GDPD5: variants seen among roughly 807,000 people sequenced by gnomAD.
The protein encoded by GDPD5 is glycerophosphodiester phosphodiesterase 2.
In GDPD5, 48 loss-of-function variants were observed where a neutral mutation model predicts 75.1. The observed-to-expected ratio is 0.64, with a 90% CI of 0.51 to 0.81. GDPD5 has a LOEUF of 0.81. Among genes scored for constraint, GDPD5 ranks in the 40% least tolerant of loss-of-function variants. The pLI is 0.00. For missense variants in GDPD5, 706 were observed against 822.6 expected, an observed-to-expected ratio of 0.86 and a Z score of 1.73; for synonymous variants, 336 against 339.0, an observed-to-expected ratio of 0.99 and a Z score of 0.10.
At chr11:75,511,258 A>G (rs1950513102) in intron 1 of GDPD5, among the ~76,000 whole-genome samples, 1 of 152,230 alleles carries the variant, frequency 6.6e-6, no homozygotes, top group East Asian at 1.9e-4. Flanking sequence ...GTCCTGGGCC[A>G]GGAAACTAGC....
chr11:75,487,872 G>A (rs1950045700), intron 2 of GDPD5, among the ~76,000 whole-genome samples: 1 of 152,194 alleles, frequency 6.6e-6, no homozygotes, highest in Admixed American at 6.5e-5. Context: ...GGCTCCAAAT[G>A]CCCCAAATTG....
intron 1 of GDPD5, among the ~76,000 whole-genome samples, chr11:75,500,144 G>C (rs2135449512): frequency 6.6e-6 from 1 of 152,194 alleles, no homozygotes; most frequent in African/African-American, 2.4e-5. Context: ...GGACTAGGCG[G>C]GTGTCTACAG....
At chr11:75,465,963 G>T (rs969997230) in intron 3 of GDPD5, among the ~76,000 whole-genome samples, 7 of 152,258 alleles carry the variant, frequency 4.6e-5, no homozygotes, top group Admixed American at 2.0e-4. Flanking sequence ...CAGGGGCCGG[G>T]AGGGCCCATG....
At chr11:75,504,902 C>A (rs545030044) in intron 1 of GDPD5, among the ~76,000 whole-genome samples, 3 of 152,042 alleles carry the variant, frequency 2.0e-5, no homozygotes, top group African/African-American at 7.2e-5. Flanking sequence ...CCGAGGCAGG[C>A]GGATCATGAG....
At chr11:75,470,894 T>C (rs1592104863) in intron 3 of GDPD5, among the ~76,000 whole-genome samples, 1 of 152,206 alleles carries the variant, frequency 6.6e-6, no homozygotes, top group African/African-American at 2.4e-5. Flanking sequence ...TTTTCCAACC[T>C]GGCCCAAGGC....
rs1009386064 is a variant in GDPD5 at position 75,457,707 on chromosome 11, T to C, written c.301A>G (p.Ile101Val). The change falls in exon 5 of 17, where the codon ATC becomes GTC. Residue 101 changes from isoleucine (I) to valine (V), a missense_variant. Physicochemically the swap from Ile to Val is conservative, Grantham distance 29. Transcript: ENST00000336898. Reference protein sequence around the residue: ...LVTTAAAFAYIAGLLVLALCH... With the variant: ...LVTTAAAFAYVAGLLVLALCH... ...GCCCCATGTACCAGGAGGCCAGCGA[T>C]GTATGCGAAGGCAGCAGCTGTGGTC... 3.7e-6 allele frequency: 6 copies of C among 1,613,968 alleles called. No individual in the cohort carries two copies. In the Admixed American group the frequency reaches 6.7e-5, roughly 18 times the overall value.
intron 6 of GDPD5, chr11:75,455,292 C>T (rs901548559): frequency 2.9e-5 from 13 of 455,102 alleles, no homozygotes; most frequent in African/African-American, 2.2e-4. Context: ...CTTTCAAATG[C>T]CAGCTTTGCA....
At chr11:75,480,774 C>A (rs1949896233) in intron 2 of GDPD5, among the ~76,000 whole-genome samples, 1 of 152,110 alleles carries the variant, frequency 6.6e-6, no homozygotes, top group Non-Finnish European at 1.5e-5. Flanking sequence ...AGCCCAAAAG[C>A]TAAGAATAGT....
intron 2 of GDPD5, among the ~76,000 whole-genome samples, chr11:75,484,618 T>C (rs1040787989): frequency 1.3e-5 from 2 of 152,130 alleles, no homozygotes; most frequent in African/African-American, 4.8e-5. Flanking sequence ...GTGCCATGGC[T>C]CATGCCTGTA....
intron 3 of GDPD5, among the ~76,000 whole-genome samples, chr11:75,467,179 T>C (rs1949534070): frequency 6.6e-6 from 1 of 152,208 alleles, no homozygotes; most frequent in African/African-American, 2.4e-5. Flanking sequence ...GAGCACGGGC[T>C]CTAAAGAGCT....
chr11:75,484,702 T>C (rs1949986260), intron 2 of GDPD5, among the ~76,000 whole-genome samples: 1 of 152,078 alleles, frequency 6.6e-6, no homozygotes, highest in Non-Finnish European at 1.5e-5. Context: ...CTGGGCAACA[T>C]GGTGAGACCT....
At chr11:75,494,271 G>A in intron 1 of GDPD5, among the ~76,000 whole-genome samples, 1 of 147,098 alleles carries the variant, frequency 6.8e-6, no homozygotes, top group Non-Finnish European at 1.5e-5. Context: ...AGGCTGGAGT[G>A]CAGTGGTAAG....
intron 1 of GDPD5, among the ~76,000 whole-genome samples, chr11:75,499,898 A>C (rs1050997026): frequency 6.6e-6 from 1 of 152,152 alleles, no homozygotes; most frequent in African/African-American, 2.4e-5. Flanking sequence ...TCAACTCCTG[A>C]CCTGAACCTG....
intron 4 of GDPD5, among the ~76,000 whole-genome samples, chr11:75,460,855 C>T (rs1347446016): frequency 6.6e-6 from 1 of 151,928 alleles, no homozygotes; most frequent in African/African-American, 2.4e-5. Flanking sequence ...TCCAGGCATC[C>T]CTAAGTGCCA....
At chr11:75,468,685 C>CCT (rs542106382) in intron 3 of GDPD5, among the ~76,000 whole-genome samples, 3 of 152,016 alleles carry the variant, frequency 2.0e-5, no homozygotes, top group Non-Finnish European at 4.4e-5. Flanking sequence ...CGACGCCCCC[C>CCT]CCCCGGGAGG....
At chr11:75,462,945 G>C (rs1565195704) in intron 3 of GDPD5, 56 bp from the exon 4 acceptor site, 1 of 1,405,164 alleles carries the variant, frequency 7.1e-7, no homozygotes, top group East Asian at 2.4e-5. Flanking sequence ...CCCTTAGGCT[G>C]CCTCCCACCA....
At chr11:75,465,701 T>A (rs981619368) in intron 3 of GDPD5, among the ~76,000 whole-genome samples, 1 of 152,086 alleles carries the variant, frequency 6.6e-6, no homozygotes, top group Non-Finnish European at 1.5e-5. Flanking sequence ...ACGCTGGCAG[T>A]GTTAGATGGC....
intron 2 of GDPD5, among the ~76,000 whole-genome samples, chr11:75,488,568 C>T (rs1188911718): frequency 1.3e-5 from 2 of 152,118 alleles, no homozygotes; most frequent in Non-Finnish European, 2.9e-5. Context: ...CCAAAGACAC[C>T]ACCTACCCAG....
intron 8 of GDPD5, 83 bp from the exon 9 acceptor site, chr11:75,449,205 G>C: frequency 6.7e-7 from 1 of 1,483,184 alleles, no homozygotes; most frequent in Non-Finnish European, 9.0e-7. Flanking sequence ...CCCCCGACCT[G>C]TCAGGATCCA....
Sources: gnomAD v4.1 joint callset for allele counts (sites outside exome capture counted in the v4.1 genomes callset) on GRCh38, gnomAD v4.1.1 for gene constraint, MANE v1.5 for transcripts, NCBI Gene and HGNC (gene_info 2026-07-23, HGNC 2026-07-21) for gene names.